Variants in DROSHA observed in about 807,000 individuals in gnomAD.
DROSHA encodes the protein drosha ribonuclease III.
In DROSHA, 56 loss-of-function variants were observed where a neutral mutation model predicts 181.9. That is an observed-to-expected ratio of 0.31 (90% confidence interval 0.25 to 0.38). DROSHA has a LOEUF of 0.38. Among genes scored for constraint, DROSHA ranks in the 10% least tolerant of loss-of-function variants. DROSHA has a pLI of 1.00. For missense variants in DROSHA, 1,218 were observed against 1,743.5 expected, an observed-to-expected ratio of 0.70 and a Z score of 5.37; for synonymous variants, 524 against 591.2, an observed-to-expected ratio of 0.89 and a Z score of 1.65.
intron 21 of DROSHA, among the ~76,000 whole-genome samples, chr5:31,451,188 G>A (rs1746984178): frequency 6.6e-6 from 1 of 152,076 alleles, no homozygotes; most frequent in South Asian, 2.1e-4. Flanking sequence ...GGAAACAAGA[G>A]CGAAACTCTG....
intron 20 of DROSHA, 196 bp downstream of exon 20, chr5:31,464,040 T>TAC (rs1748738045): frequency 6.0e-5 from 35 of 584,778 alleles, no homozygotes; most frequent in South Asian, 5.2e-4. Context: ...AAATACAACA[T>TAC]ACACACACAC....
At chr5:31,493,937 TTGTGTGTGTGTGTG>T (rs67311624) in intron 12 of DROSHA, among the ~76,000 whole-genome samples, 64,113 of 144,684 alleles carry the variant, frequency 0.44, 17,349 homozygotes, top group Non-Finnish European at 0.6. Flanking sequence ...TAACCCACCA[TTGTGTGTGTGTGTG>T]TGTGTGTGTG....
At chr5:31,480,774 A>G (rs1750946386) in intron 16 of DROSHA, among the ~76,000 whole-genome samples, 1 of 152,238 alleles carries the variant, frequency 6.6e-6, no homozygotes, top group Admixed American at 6.5e-5. Context: ...GTATGTTAGC[A>G]CTAGTGATAC....
intron 23 of DROSHA, among the ~76,000 whole-genome samples, chr5:31,448,102 G>A (rs1746527864): frequency 6.6e-6 from 1 of 152,148 alleles, no homozygotes; most frequent in Admixed American, 6.5e-5. Context: ...AACAATCCAT[G>A]TGCCCATTAA....
At chr5:31,459,655 A>C (rs1748150178) in intron 20 of DROSHA, among the ~76,000 whole-genome samples, 1 of 152,210 alleles carries the variant, frequency 6.6e-6, no homozygotes, top group South Asian at 2.1e-4. Flanking sequence ...AAAGTCTCTG[A>C]ATCTCTAGAG....
At chr5:31,492,762 C>T (rs759997443) in intron 13 of DROSHA, among the ~76,000 whole-genome samples, 2 of 152,210 alleles carry the variant, frequency 1.3e-5, no homozygotes, top group Non-Finnish European at 1.5e-5. Context: ...GTCTTGAAGA[C>T]ATATTCCTGG....
chr5:31,422,959 A>AGGG lies in DROSHA; in HGVS notation c.3262-16_3262-15insCCC, dbSNP rs1742945575. On this transcript the variant is annotated splice_polypyrimidine_tract_variant and intron_variant, in intron 28 of 35. Coordinates refer to ENST00000344624, the MANE Select transcript of DROSHA (RefSeq NM_001382508.1). ...GGCTCTTGTAGCTACAGGAAAATAG[A>AGGG]AATAAATAAAAATCATTTTTTCATT... The AGGG allele has an allele frequency of 6.6e-7, 1 of 1,506,474 alleles. No individual in the cohort carries two copies. Among genetic ancestry groups the AGGG allele is most frequent in the African/African-American group, 1.4e-5 (1 of 70,654 alleles). 93.3% of individuals were successfully genotyped at this position (1,506,474 alleles called of 1,614,324 possible).
chr5:31,459,236 AAATAT>A (rs1314312518), intron 20 of DROSHA, among the ~76,000 whole-genome samples: 2 of 152,110 alleles, frequency 1.3e-5, no homozygotes, highest in South Asian at 2.1e-4. Context: ...ATTCCTAATA[AAATAT>A]AATACTAGCC....
chr5:31,449,447 C>T (rs1470186677), intron 21 of DROSHA, 28 bp from the exon 22 acceptor site: 4 of 1,546,434 alleles, frequency 2.6e-6, no homozygotes, highest in Non-Finnish European at 3.5e-6. Context: ...TAAGTTCAGT[C>T]TTTAAAACAG....
At chr5:31,481,840 G>T (rs1185912301) in intron 16 of DROSHA, among the ~76,000 whole-genome samples, 7 of 152,168 alleles carry the variant, frequency 4.6e-5, no homozygotes, top group Non-Finnish European at 8.8e-5. Context: ...GAGCACCCAG[G>T]CACCAGAGCA....
intron 21 of DROSHA, 85 bp from the exon 22 acceptor site, chr5:31,449,504 G>T: frequency 7.1e-7 from 1 of 1,413,788 alleles, no homozygotes; most frequent in Non-Finnish European, 9.5e-7. Flanking sequence ...AAGGTGGAGG[G>T]ACCACTTTAG....
At chr5:31,438,285 G>A (rs541090961) in intron 23 of DROSHA, among the ~76,000 whole-genome samples, 7 of 152,308 alleles carry the variant, frequency 4.6e-5, no homozygotes, top group Admixed American at 4.6e-4. Flanking sequence ...TGGCTGCTGT[G>A]TAGACACTGA....
At position 31,495,282 on chromosome 5, in the gene DROSHA, T is replaced by G; in HGVS notation, c.1755+4A>C. On this transcript the variant is annotated splice_donor_region_variant and intron_variant, in intron 12 of 35. Coordinates refer to ENST00000344624, the MANE Select transcript of DROSHA (RefSeq NM_001382508.1). ...GATATGCATGTGATTCTTTAGAAACTTACTAAAAAGTTCGTAGGCGGGGAG... is the reference window on the plus strand; with the variant it reads ...GATATGCATGTGATTCTTTAGAAACGTACTAAAAAGTTCGTAGGCGGGGAG... The G allele has an allele frequency of 6.2e-7, 1 of 1,613,280 alleles. No homozygotes were observed.
Position 31,440,094 on chromosome 5 carries a change from G to T in DROSHA, c.2883-2796C>A, listed in dbSNP as rs1245610377. Among the ~76,000 whole-genome samples, 5 of 152,002 alleles carry T rather than the reference G, an allele frequency of 3.3e-5. No individual in the cohort carries two copies. In the East Asian group the frequency reaches 7.8e-4, roughly 24 times the overall value. Reference sequence around the variant, plus strand: ...ATCAACTAGCAACTTTCAAGTCCATGTTGATCAACCTGCACAACTGTACCA... The same window carrying T: ...ATCAACTAGCAACTTTCAAGTCCATTTTGATCAACCTGCACAACTGTACCA... On this transcript the variant is annotated intron_variant, in intron 23 of 35. Coordinates refer to ENST00000344624, the MANE Select transcript of DROSHA (RefSeq NM_001382508.1).
At chr5:31,415,741 G>A (rs1042672843) in intron 30 of DROSHA, among the ~76,000 whole-genome samples, 3 of 152,184 alleles carry the variant, frequency 2.0e-5, no homozygotes, top group Non-Finnish European at 2.9e-5. Flanking sequence ...TTAGCAAAGA[G>A]TAAAGGCTAA....
chr5:31,531,963 C>T (rs935856129), intron 1 of DROSHA, 27 bp downstream of exon 1: 1 of 195,144 alleles, frequency 5.1e-6, no homozygotes, highest in African/African-American at 2.4e-5. Context: ...AAACTCTCTT[C>T]TAACACTTGC....
At position 31,526,678 on chromosome 5, in the gene DROSHA, C is replaced by T; in HGVS notation, c.255G>A (p.Met85Ile). ...RPDFVPFPPP[M>I]PPSAQGPLPP... The stretch of plus-strand genomic sequence containing the variant: ...GAAGAGGGCCTTGCGCTGACGGAGG[C>T]ATGGGTGGGGGGAAGGGTACAAAGT... The change falls in exon 5 of 36, where the codon ATG (methionine) becomes ATA (isoleucine). Residue 85 changes from methionine (M) to isoleucine (I), a missense_variant. Transcript: ENST00000344624. 7.3e-7 allele frequency: 1 copy of T among 1,373,522 alleles called. No individual in the cohort carries two copies. Among genetic ancestry groups the T allele is most frequent in the Middle Eastern group, 2.0e-4 (1 of 5,120 alleles). 85.1% of individuals were successfully genotyped at this position (1,373,522 alleles called of 1,614,324 possible).
At chr5:31,434,313 G>A (rs916902300) in intron 25 of DROSHA, among the ~76,000 whole-genome samples, 2 of 152,186 alleles carry the variant, frequency 1.3e-5, no homozygotes, top group Non-Finnish European at 2.9e-5. Context: ...GGAATGGAGT[G>A]ACTACCTACT....
At chr5:31,418,277 G>A (rs1164750490) in intron 30 of DROSHA, among the ~76,000 whole-genome samples, 1 of 151,960 alleles carries the variant, frequency 6.6e-6, no homozygotes, top group Non-Finnish European at 1.5e-5. Flanking sequence ...CAGAGAGAGA[G>A]AGACACAGAG....
Sources: gnomAD v4.1 joint callset for allele counts (sites outside exome capture counted in the v4.1 genomes callset) on GRCh38, gnomAD v4.1.1 for gene constraint, MANE v1.5 for transcripts, NCBI Gene and HGNC (gene_info 2026-07-23, HGNC 2026-07-21) for gene names.